The following TNPO3 variants were observed in gnomAD, a reference collection of about 807,000 sequenced individuals.
TNPO3 encodes transportin 3, also known as transportin-3.
TNPO3 carries 65 observed loss-of-function variants against 122.8 expected under a neutral mutation model. That is an observed-to-expected ratio of 0.53 (90% confidence interval 0.43 to 0.65). TNPO3 has a LOEUF of 0.65. Among genes scored for constraint, TNPO3 ranks in the 30% least tolerant of loss-of-function variants. TNPO3 has a pLI of 0.00. For synonymous variants in TNPO3, 372 were observed against 411.2 expected, an observed-to-expected ratio of 0.90 and a Z score of 1.15; for missense variants, 850 against 1,136.7, an observed-to-expected ratio of 0.75 and a Z score of 3.63.
chr7:128,990,231 G>C, intron 10 of TNPO3, 131 bp from the exon 11 acceptor site: 1 of 981,302 alleles, frequency 1.0e-6, no homozygotes, highest in Non-Finnish European at 1.6e-6. Context: ...AAAAGTACTT[G>C]GTATTTGTTA....
intron 14 of TNPO3, 85 bp from the exon 15 acceptor site, chr7:128,980,116 G>A: frequency 8.5e-7 from 1 of 1,170,088 alleles, no homozygotes; most frequent in Non-Finnish European, 1.3e-6. Flanking sequence ...TGCTTACTTA[G>A]TATCATTTTC....
chr7:128,995,556 G>T lies in TNPO3; in HGVS notation c.1159-1642C>A, dbSNP rs138098588. 3.4e-3 allele frequency among the ~76,000 whole-genome samples: 519 copies of T among 152,344 alleles called. 2 individuals are homozygous for T. The highest frequency in any genetic ancestry group is 5.0e-3 in the Non-Finnish European group (338 of 68,044). Reference sequence around the variant, plus strand: ...TATAAAGCGCTATACACTTACAAGTGTAAGAAATTACCCGCAAGGGAAATG... The same window carrying T: ...TATAAAGCGCTATACACTTACAAGTTTAAGAAATTACCCGCAAGGGAAATG... On this transcript the variant is annotated intron_variant, in intron 8 of 22. Transcript: ENST00000265388.
At chr7:129,012,003 CTTT>C (rs1174882837) in intron 4 of TNPO3, among the ~76,000 whole-genome samples, 9 of 131,706 alleles carry the variant, frequency 6.8e-5, no homozygotes, top group East Asian at 2.1e-4. Flanking sequence ...CTTTTTCTTT[CTTT>C]TTTTTTTTTT....
In TNPO3 at chr7:128,982,453, A is replaced by T. The variant is rs372788536; in HGVS notation, c.1783-129T>A. 1.1e-5 allele frequency: 8 copies of T among 719,736 alleles called. No homozygotes were observed. In the East Asian group the frequency reaches 2.1e-4, roughly 19 times the overall value. 44.6% of individuals were successfully genotyped at this position (719,736 alleles called of 1,614,324 possible). A position where few individuals can be genotyped will look rare whatever the true frequency, so the allele number is the denominator to read the frequency against. ...TATATAAAGTCCTAAAAGTATATAAACTCCTAAAAGTTACTCAAATGGCGC... is the reference window on the plus strand; with the variant it reads ...TATATAAAGTCCTAAAAGTATATAATCTCCTAAAAGTTACTCAAATGGCGC... On this transcript the variant is annotated intron_variant, in intron 13 of 22. Transcript: ENST00000265388.
At chr7:128,959,377 C>T (rs1797213972) in intron 21 of TNPO3, among the ~76,000 whole-genome samples, 1 of 152,158 alleles carries the variant, frequency 6.6e-6, no homozygotes, top group South Asian at 2.1e-4. Context: ...GTTTTCAGAA[C>T]AGATAGAAAC....
chr7:128,986,692 T>C lies in TNPO3; in HGVS notation c.1690+37A>G, dbSNP rs200923330. 23 of 1,563,216 alleles carry C rather than the reference T, an allele frequency of 1.5e-5. No homozygotes were observed. The African/African-American group carries it at 2.2e-4, about 15-fold the overall frequency. ...TGTAAGATTACCCCAGGTAGTGGCT[T>C]TGAGGTGACTATTAGTGGTTAACAT... On this transcript the variant is annotated intron_variant, in intron 12 of 22. Coordinates refer to ENST00000265388, the MANE Select transcript of TNPO3 (RefSeq NM_012470.4).
intron 1 of TNPO3, among the ~76,000 whole-genome samples, chr7:129,040,500 ATGCCT>A (rs1807247256): frequency 6.6e-6 from 1 of 152,212 alleles, no homozygotes; most frequent in South Asian, 2.1e-4. Flanking sequence ...AGAATGTACT[ATGCCT>A]TGATGTTATT....
chr7:129,014,384 A>G (rs531887003), intron 4 of TNPO3, among the ~76,000 whole-genome samples: 39 of 152,268 alleles, frequency 2.6e-4, no homozygotes, highest in Admixed American at 2.4e-3. Context: ...TTAGCTGGGC[A>G]TGGTGGCGCA....
chr7:129,040,444 G>C (rs1454532951), intron 1 of TNPO3, among the ~76,000 whole-genome samples: 1 of 152,010 alleles, frequency 6.6e-6, no homozygotes, highest in African/African-American at 2.4e-5. Flanking sequence ...TTATGGGAGG[G>C]GAATGATTTA....
In TNPO3 at chr7:128,954,210, T is replaced by G. The variant is rs1796705852; in HGVS notation, c.*1207A>C. ...TTAAATTTTAAAAATTTATTCTTTC[T>G]CTTTTGTTGCTGTTGATTTGTTCTT... is the stretch of plus-strand genomic sequence containing the variant. On this transcript the variant is annotated 3_prime_UTR_variant, in exon 23 of 23. Transcript: ENST00000265388. 1 of 152,258 alleles carries G rather than the reference T, an allele frequency of 6.6e-6. No individual in the cohort carries two copies. The highest frequency in any genetic ancestry group is 6.5e-5 in the Admixed American group (1 of 15,292). The allele number at this position is 152,258 out of a possible 1,614,324, so 9.4% of individuals were successfully genotyped here.
At chr7:128,957,428 T>C in intron 21 of TNPO3, 113 bp from the exon 22 acceptor site, 1 of 998,868 alleles carries the variant, frequency 1.0e-6, no homozygotes, top group Non-Finnish European at 1.5e-6. Context: ...CTAGGAGCTC[T>C]CTCCATCGTC....
At chr7:128,968,114 C>T (rs1798101392) in intron 20 of TNPO3, among the ~76,000 whole-genome samples, 1 of 152,082 alleles carries the variant, frequency 6.6e-6, no homozygotes, top group Admixed American at 6.6e-5. Context: ...AGTAAAGGTT[C>T]AGATACCTGA....
At position 128,955,009 on chromosome 7, in the gene TNPO3, G is replaced by C; in HGVS notation, c.*408C>G. 1 of 242,414 alleles carries C rather than the reference G, an allele frequency of 4.1e-6. No individual in the cohort carries two copies. The allele number at this position is 242,414 out of a possible 1,614,324, so 15.0% of individuals were successfully genotyped here. A position where few individuals can be genotyped will look rare whatever the true frequency, so the allele number is the denominator to read the frequency against. ...TGTGTACACGTGCGCACTGGCGCTT[G>C]TGCGTGTATGTGTGTGTGCGTGCAT... On this transcript the variant is annotated 3_prime_UTR_variant, in exon 23 of 23. Transcript: ENST00000265388.
At chr7:128,956,446 G>A (rs867141439) in intron 22 of TNPO3, among the ~76,000 whole-genome samples, 3 of 152,252 alleles carry the variant, frequency 2.0e-5, no homozygotes, top group African/African-American at 4.8e-5. Context: ...ACCAGGAGAC[G>A]GAAAGCACGT....
intron 6 of TNPO3, 145 bp from the exon 7 acceptor site, chr7:129,000,712 T>G: frequency 1.2e-6 from 1 of 823,966 alleles, no homozygotes; most frequent in Non-Finnish European, 1.9e-6. Flanking sequence ...ACAATCCCCA[T>G]GACAGACACC....
At chr7:128,965,353 G>C (rs1333396724) in intron 21 of TNPO3, among the ~76,000 whole-genome samples, 2 of 152,160 alleles carry the variant, frequency 1.3e-5, no homozygotes, top group East Asian at 1.9e-4. Context: ...CTAATCATTA[G>C]GGAAATGCAA....
chr7:129,021,636 T>G (rs1804532154), intron 1 of TNPO3, among the ~76,000 whole-genome samples: 1 of 152,024 alleles, frequency 6.6e-6, no homozygotes, highest in Admixed American at 6.6e-5. Flanking sequence ...AATAAGCAAC[T>G]GAGGTCAAAT....
chr7:129,032,704 G>A (rs1006306050), intron 1 of TNPO3, among the ~76,000 whole-genome samples: 10 of 152,152 alleles, frequency 6.6e-5, no homozygotes, highest in Non-Finnish European at 7.4e-5. Flanking sequence ...AGAAATTAAA[G>A]ATGACACCAA....
At chr7:128,987,786 C>T (rs1800323566) in intron 11 of TNPO3, among the ~76,000 whole-genome samples, 1 of 151,906 alleles carries the variant, frequency 6.6e-6, no homozygotes, top group African/African-American at 2.4e-5. Context: ...ACCACATTGG[C>T]CAGGCTGGTC....
Sources: allele counts gnomAD v4.1 joint callset (sites outside exome capture counted in the v4.1 genomes callset), GRCh38; gene constraint gnomAD v4.1.1; transcripts MANE v1.5; gene names NCBI Gene and HGNC (gene_info 2026-07-23, HGNC 2026-07-21).